DOCK4: variants seen among roughly 807,000 people sequenced by gnomAD.
DOCK4 encodes the protein dedicator of cytokinesis 4.
In DOCK4, 97 loss-of-function variants were observed where a neutral mutation model predicts 268.1. The ratio of observed to expected loss-of-function variants is 0.36; its 90% CI spans 0.31 to 0.43. The LOEUF is 0.43. Ranked by LOEUF, DOCK4 falls within the 20% of genes least tolerant of loss-of-function variation. DOCK4 has a pLI of 1.00. For missense variants in DOCK4, 2,145 were observed against 2,455.7 expected (o/e 0.87, Z 2.67); for synonymous variants, 954 against 887.2 (o/e 1.08, Z -1.34).
At chr7:111,764,930 T>G (rs973207716) in intron 39 of DOCK4, among the ~76,000 whole-genome samples, 188 bp downstream of exon 39, 2 of 151,468 alleles carry the variant, frequency 1.3e-5, no homozygotes, top group Non-Finnish European at 2.9e-5. Flanking sequence ...AGGAAGGGGT[T>G]GATTGCTATC....
intron 12 of DOCK4, 167 bp downstream of exon 12, chr7:111,935,373 T>G: frequency 1.4e-6 from 1 of 697,918 alleles, no homozygotes; most frequent in Non-Finnish European, 2.6e-6. Context: ...AGTACAACCC[T>G]ATCATAGCAT....
In DOCK4 at chr7:111,895,702, C is replaced by T; in HGVS notation, c.1497G>A (p.Glu499=). The T allele has an allele frequency of 6.2e-7, 1 of 1,613,918 alleles. No homozygotes were observed. Among genetic ancestry groups the T allele is most frequent in the Non-Finnish European group, 8.5e-7 (1 of 1,179,832 alleles). The part of the protein sequence containing the change: ...FRHCSTKEKG[E]KKLFGFSFVP... The stretch of plus-strand genomic sequence containing the variant: ...CAAAAGAAAACCCAAACAACTTCTT[C>T]TCTCCTTTCTCCTTTGCTGTAAAAA... Residue 499 remains glutamate, a synonymous_variant, in exon 16 of 53, where the codon GAG becomes GAA. Coordinates refer to ENST00000428084, the MANE Select transcript of DOCK4 (RefSeq NM_001363540.2).
intron 25 of DOCK4, among the ~76,000 whole-genome samples, chr7:111,838,086 CA>C (rs749907970): frequency 0.15 from 4,366 of 29,800 alleles, 24 homozygotes; most frequent in Middle Eastern, 0.2. Flanking sequence ...AACCCTACCT[CA>C]AAAAAAAAAA....
chr7:111,923,449 C>G (rs1196606613), intron 12 of DOCK4, among the ~76,000 whole-genome samples: 2 of 152,118 alleles, frequency 1.3e-5, no homozygotes, highest in Non-Finnish European at 2.9e-5. Context: ...TTTAGGTAAT[C>G]AGTATTTTCT....
chr7:111,821,002 A>T (rs1801931233), intron 27 of DOCK4: 1 of 151,912 alleles, frequency 6.6e-6, no homozygotes, highest in Non-Finnish European at 1.5e-5. Context: ...ATCAAACTAA[A>T]TATGTTAAAT....
chr7:111,928,386 C>A (rs187609819), intron 12 of DOCK4, among the ~76,000 whole-genome samples: 1 of 152,086 alleles, frequency 6.6e-6, no homozygotes, highest in Non-Finnish European at 1.5e-5. Context: ...AAATCAAGCT[C>A]TAATCACTAC....
chr7:112,155,197 C>A (rs1019627771), intron 1 of DOCK4, among the ~76,000 whole-genome samples: 10 of 152,140 alleles, frequency 6.6e-5, no homozygotes, highest in African/African-American at 2.4e-4. Flanking sequence ...CTGTTTTCCC[C>A]AACTACTTTT....
At chr7:112,138,678 G>A (rs370231707) in intron 1 of DOCK4, among the ~76,000 whole-genome samples, 6 of 152,076 alleles carry the variant, frequency 3.9e-5, no homozygotes, top group Non-Finnish European at 5.9e-5. Context: ...CTAAATGTTC[G>A]TGTCTCTCAA....
chr7:111,760,557 G>T (rs1049600359), intron 39 of DOCK4, among the ~76,000 whole-genome samples: 2 of 152,052 alleles, frequency 1.3e-5, no homozygotes, highest in Non-Finnish European at 2.9e-5. Flanking sequence ...CACTCTTCCC[G>T]GTTCACTTGC....
chr7:111,842,065 C>G (rs1416589579), intron 25 of DOCK4, among the ~76,000 whole-genome samples: 1 of 152,148 alleles, frequency 6.6e-6, no homozygotes, highest in Non-Finnish European at 1.5e-5. Context: ...CCATCAAAAC[C>G]ACAGTGAAGG....
intron 1 of DOCK4, among the ~76,000 whole-genome samples, chr7:112,011,838 G>A (rs187414178): frequency 1.3e-5 from 2 of 149,738 alleles, no homozygotes; most frequent in Non-Finnish European, 3.0e-5. Context: ...TGATTAAAAG[G>A]TTAAGATTTT....
rs369275414 is a variant in DOCK4 at position 112,021,941 on chromosome 7, C to T, written c.38-17810G>A. ...AGCTCAGTATCATGTGAAGGGCATA[C>T]TAAATGCTATGTTGAAAAAATATGC... On this transcript the variant is annotated intron_variant, in intron 1 of 52. Coordinates refer to ENST00000428084, the MANE Select transcript of DOCK4 (RefSeq NM_001363540.2). 2.0e-5 allele frequency among the ~76,000 whole-genome samples: 3 copies of T among 152,124 alleles called. No homozygotes were observed. The East Asian group carries it at 5.8e-4, about 29-fold the overall frequency.
Position 111,872,491 on chromosome 7 carries a change from T to A in DOCK4, c.1818A>T (p.Glu606Asp). ...KITGCLSKLK[E>D]IDGSEIVKFL... ...CCTTTACTATCTCTGAGCCATCAATTTCTTTTAATTTAGAGAGACAGCCAG... is the reference window on the plus strand; with the variant it reads ...CCTTTACTATCTCTGAGCCATCAATATCTTTTAATTTAGAGAGACAGCCAG... Residue 606 changes from glutamate (E) to aspartate (D), a missense_variant, in exon 18 of 53, where the codon GAA becomes GAT. Glu to Asp is a conservative substitution (Grantham distance 45). Transcript: ENST00000428084. The A allele has an allele frequency of 6.2e-7, 1 of 1,600,402 alleles. No homozygotes were observed. Among genetic ancestry groups the A allele is most frequent in the South Asian group, 1.1e-5 (1 of 88,392 alleles).
intron 36 of DOCK4, among the ~76,000 whole-genome samples, chr7:111,773,641 G>A (rs1298893717): frequency 6.6e-6 from 1 of 152,006 alleles, no homozygotes; most frequent in Non-Finnish European, 1.5e-5. Flanking sequence ...TAATTAAAGG[G>A]TACATTAACT....
chr7:112,142,319 A>C lies in DOCK4; in HGVS notation c.37+63783T>G, dbSNP rs76808400. 6.6e-5 allele frequency among the ~76,000 whole-genome samples: 10 copies of C among 152,296 alleles called. No individual in the cohort carries two copies. The East Asian group carries it at 1.9e-3, about 29-fold the overall frequency. ...TCATTATTGAAGAGTTTTAGCTCTGAATTTTCACTATTGTATGTTAGGCTT... is the reference window on the plus strand; with the variant it reads ...TCATTATTGAAGAGTTTTAGCTCTGCATTTTCACTATTGTATGTTAGGCTT... On this transcript the variant is annotated intron_variant, in intron 1 of 52. Coordinates refer to ENST00000428084, the MANE Select transcript of DOCK4 (RefSeq NM_001363540.2).
intron 1 of DOCK4, among the ~76,000 whole-genome samples, chr7:112,047,179 G>A (rs1390491894): frequency 6.6e-6 from 1 of 152,106 alleles, no homozygotes; most frequent in African/African-American, 2.4e-5. Flanking sequence ...AGTAACCCTA[G>A]ACTAAATGAT....
At chr7:111,914,012 G>C (rs555812663) in intron 13 of DOCK4, among the ~76,000 whole-genome samples, 126 of 152,182 alleles carry the variant, frequency 8.3e-4, no homozygotes, top group African/African-American at 2.9e-3. Flanking sequence ...ACAAAGACTC[G>C]GGGGATGTGG....
chr7:111,768,503 C>G (rs1200134266), intron 37 of DOCK4, among the ~76,000 whole-genome samples: 1 of 152,162 alleles, frequency 6.6e-6, no homozygotes, highest in Non-Finnish European at 1.5e-5. Context: ...CCTTTGCAAT[C>G]TGGAAGATAA....
At chr7:111,736,491 C>T (rs577542464) in intron 50 of DOCK4, among the ~76,000 whole-genome samples, 1 of 152,082 alleles carries the variant, frequency 6.6e-6, no homozygotes, top group Non-Finnish European at 1.5e-5. Flanking sequence ...GTACAAGAGC[C>T]GTATCTGAGT....
Sources: gnomAD v4.1 joint callset for allele counts (sites outside exome capture counted in the v4.1 genomes callset) on GRCh38, gnomAD v4.1.1 for gene constraint, MANE v1.5 for transcripts, NCBI Gene and HGNC (gene_info 2026-07-23, HGNC 2026-07-21) for gene names.